The following SH3TC1 variants were observed in gnomAD, a reference collection of about 807,000 sequenced individuals.
SH3TC1 encodes SH3 domain and tetratricopeptide repeats 1, also known as SH3 domain and tetratricopeptide repeat-containing protein 1.
Under a neutral mutation model 117.3 loss-of-function variants are expected in SH3TC1, and 135 were observed. That is an observed-to-expected ratio of 1.15 (90% CI 1.00 to 1.33). The LOEUF (loss-of-function observed/expected upper bound fraction) is 1.33, where lower values mean the gene tolerates loss of function less well. Ranked by LOEUF, SH3TC1 falls within the 40% of genes most tolerant of loss-of-function variation. SH3TC1 has a pLI of 0.00. For missense variants in SH3TC1, 2,092 were observed against 1,794.3 expected (o/e 1.17, Z -3.00); for synonymous variants, 898 against 816.9 (o/e 1.10, Z -1.69).
At chr4:8,184,520 C>A (rs1174064876) in intron 1 of SH3TC1, among the ~76,000 whole-genome samples, 1 of 152,328 alleles carries the variant, frequency 6.6e-6, no homozygotes, top group African/African-American at 2.4e-5. Flanking sequence ...GCTGGGACTA[C>A]AGGCACATGC....
chr4:8,236,246 G>A (rs767018202), intron 15 of SH3TC1, 32 bp from the exon 16 acceptor site: 160 of 1,523,762 alleles, frequency 1.1e-4, no homozygotes, highest in Non-Finnish European at 1.3e-4. Flanking sequence ...TGGGTGCTGC[G>A]GGAAGCCTGA....
chr4:8,234,459 A>G (rs1262644034), intron 14 of SH3TC1, among the ~76,000 whole-genome samples: 1 of 147,244 alleles, frequency 6.8e-6, no homozygotes, highest in Non-Finnish European at 1.5e-5. Flanking sequence ...ACCCATACAT[A>G]CACACATCAT....
chr4:8,216,592 G>A lies in SH3TC1; in HGVS notation c.628+335G>A, dbSNP rs73079738. ...GAGTCTGAGGAGGGGACATGAGGCT[G>A]TCTTTCCTACCCGACCACAGCAGGA... On this transcript the variant is annotated intron_variant, in intron 6 of 17. Transcript: ENST00000245105. 4.6e-3 allele frequency among the ~76,000 whole-genome samples: 704 copies of A among 152,322 alleles called. 5 individuals are homozygous for A. The highest frequency in any genetic ancestry group is 0.014 in the African/African-American group (574 of 41,570).
intron 14 of SH3TC1, 39 bp from the exon 15 acceptor site, chr4:8,235,394 C>T: frequency 7.0e-7 from 1 of 1,435,830 alleles, no homozygotes; most frequent in Non-Finnish European, 9.2e-7. Context: ...GGCCACCTCA[C>T]CAGGTGTGGG....
At position 8,186,420 on chromosome 4, in the gene SH3TC1, C is replaced by A. The variant is rs368314083; in HGVS notation, c.-57+4210C>A. 6.6e-6 allele frequency among the ~76,000 whole-genome samples: 1 copy of A among 152,136 alleles called. No homozygotes were observed. The highest frequency in any genetic ancestry group is 1.5e-5 in the Non-Finnish European group (1 of 68,026). On this transcript the variant is annotated intron_variant, in intron 1 of 16. Transcript: ENST00000508641. The surrounding 1 kb of genome is among the most constrained non-coding windows in gnomAD (Gnocchi z 5.2). ...ACGTGGTGTCCCCCATGGGCTTCTG[C>A]GTGGAGCAGAAGACGGATGTTAGGG...
upstream of SH3TC1, among the ~76,000 whole-genome samples, chr4:8,195,383 G>A (rs2152975293): frequency 6.6e-6 from 1 of 152,284 alleles, no homozygotes; most frequent in Middle Eastern, 3.4e-3. Flanking sequence ...GGCTGTGTGT[G>A]CTTCTGCCCC....
At chr4:8,222,037 C>CCTCTCTCCCTCT (rs370732780) in intron 9 of SH3TC1, among the ~76,000 whole-genome samples, 1,675 of 152,196 alleles carry the variant, frequency 0.011, 28 homozygotes, top group African/African-American at 0.035. Context: ...TTTCTCCTCC[C>CCTCTCTCCCTCT]CTCTCTCCCT....
chr4:8,226,738 G>C (rs1318175266), intron 11 of SH3TC1, among the ~76,000 whole-genome samples: 1 of 152,234 alleles, frequency 6.6e-6, no homozygotes, highest in South Asian at 2.1e-4. Context: ...GATTTCATAG[G>C]AGAGTTGGGC....
At position 8,225,180 on chromosome 4, in the gene SH3TC1, G is replaced by C. The variant is rs1337165359; in HGVS notation, c.1249G>C (p.Val417Leu). 6.2e-7 allele frequency: 1 copy of C among 1,613,814 alleles called. No homozygotes were observed. The change falls in exon 11 of 18, where the codon GTA becomes CTA. Residue 417 changes from valine to leucine, a missense_variant. Val to Leu is a conservative substitution (Grantham distance 32). Coordinates refer to ENST00000245105, the MANE Select transcript of SH3TC1 (RefSeq NM_018986.5). The surrounding 1 kb of genome is among the most constrained non-coding windows in gnomAD (Gnocchi z 5.5). ...DVCSVYSLDSVEEAETEQPQE... is the reference protein window; with the variant it reads ...DVCSVYSLDSLEEAETEQPQE... The stretch of plus-strand genomic sequence containing the variant: ...TCTCTTTTCTCCCTTGCCAGACTCA[G>C]TAGAGGAAGCTGAGACCGAGCAGCC...
At chr4:8,234,785 G>A (rs1345209538) in intron 14 of SH3TC1, among the ~76,000 whole-genome samples, 1 of 152,220 alleles carries the variant, frequency 6.6e-6, no homozygotes. Flanking sequence ...AGCACCTGCT[G>A]GTATACAGCA....
In SH3TC1 at chr4:8,227,560, G is replaced by A; in HGVS notation, c.1866G>A (p.Gln622=). 1 of 1,524,352 alleles carries A rather than the reference G, an allele frequency of 6.6e-7. No homozygotes were observed. The highest frequency in any genetic ancestry group is 8.8e-7 in the Non-Finnish European group (1 of 1,139,100). 94.4% of individuals were successfully genotyped at this position (1,524,352 alleles called of 1,614,324 possible). Residue 622 remains glutamine, a synonymous_variant, in exon 12 of 18, where the codon CAG becomes CAA. Transcript: ENST00000245105. The stretch of plus-strand genomic sequence containing the variant: ...AGAAGAACCGGGAGAAGTGTGCACA[G>A]GTGGTGCCCAAAGCCATGGCCCTGC... The part of the protein sequence containing the change: ...RKQKNREKCA[Q]VVPKAMALLL...
rs1719340821 is a variant in SH3TC1 at position 8,216,939 on chromosome 4, A to G, written c.629-18A>G. ...CCCAGTCCGGCCACCCTCAGTGACC[A>G]CCTCCATCCTTTTGAAGGGCCCTTC... On this transcript the variant is annotated intron_variant, in intron 6 of 17. Transcript: ENST00000245105. 1.2e-6 allele frequency: 2 copies of G among 1,613,282 alleles called. No homozygotes were observed. The highest frequency in any genetic ancestry group is 1.3e-5 in the African/African-American group (1 of 74,844).
In SH3TC1 at chr4:8,209,898, A is replaced by C. The variant is rs961008032; in HGVS notation, c.247+76A>C. ...CCGCTCCCTGGGCATCCAAGAGTCC[A>C]ACCCAGGGCTTCTCAAAGTGTGGCC... On this transcript the variant is annotated intron_variant, in intron 3 of 17. Transcript: ENST00000245105. The surrounding 1 kb of genome is among the most constrained non-coding windows in gnomAD (Gnocchi z 5.9). 2 of 1,393,888 alleles carry C rather than the reference A, an allele frequency of 1.4e-6. No homozygotes were observed. Among genetic ancestry groups the C allele is most frequent in the Admixed American group, 4.3e-5 (2 of 46,768 alleles). 86.3% of individuals were successfully genotyped at this position (1,393,888 alleles called of 1,614,324 possible).
rs927543606 is a variant in SH3TC1, at chr4:8,190,401, C to T, written c.-57+8191C>T. The stretch of plus-strand genomic sequence containing the variant: ...GAATGCCAAAATTCCAGCTGGGGTC[C>T]CACCCCTGATTCAGGAAAGTTGGGG... On this transcript the variant is annotated intron_variant, in intron 1 of 16. Transcript: ENST00000508641. This position sits in a 1 kb window ranked among gnomAD's most constrained non-coding sequence, Gnocchi z 4.7. Among the ~76,000 whole-genome samples, 4 of 152,202 alleles carry T rather than the reference C, an allele frequency of 2.6e-5. No individual in the cohort carries two copies. The highest frequency in any genetic ancestry group is 5.9e-5 in the Non-Finnish European group (4 of 68,038).
intron 17 of SH3TC1, among the ~76,000 whole-genome samples, chr4:8,238,613 C>T (rs770951682): frequency 6.6e-5 from 10 of 152,172 alleles, no homozygotes; most frequent in Non-Finnish European, 1.5e-4. Flanking sequence ...GGGAGGCCCC[C>T]GCCCGGTGCT....
In SH3TC1 at chr4:8,206,685, C is replaced by G. The variant is rs1194160363; in HGVS notation, c.172+1319C>G. On this transcript the variant is annotated intron_variant, in intron 2 of 17. Transcript: ENST00000245105. This position sits in a 1 kb window ranked among gnomAD's most constrained non-coding sequence, Gnocchi z 5.5. ...GGAAAGCTGGCTTGGGGTGGGGCTCCTCATCAGCTCCTTCACCTCCTCGTC... is the reference window on the plus strand; with the variant it reads ...GGAAAGCTGGCTTGGGGTGGGGCTCGTCATCAGCTCCTTCACCTCCTCGTC... Among the ~76,000 whole-genome samples, 1 of 152,230 alleles carries G rather than the reference C, an allele frequency of 6.6e-6. No homozygotes were observed. The highest frequency in any genetic ancestry group is 2.4e-5 in the African/African-American group (1 of 41,456).
rs1561708275 is a variant in SH3TC1, at chr4:8,227,530, G to A, written c.1836G>A (p.Arg612=). Residue 612 remains arginine (R), a synonymous_variant, in exon 12 of 18, where the codon CGG becomes CGA. Transcript: ENST00000245105. The stretch of plus-strand genomic sequence containing the variant: ...ACGCCAACCTGGCCAGCATTTACCG[G>A]AAGCAGAAGAACCGGGAGAAGTGTG... The part of the protein sequence containing the change: ...AVYANLASIY[R]KQKNREKCAQ... 6 of 1,534,258 alleles carry A rather than the reference G, an allele frequency of 3.9e-6. No individual in the cohort carries two copies. The South Asian group carries it at 7.8e-5, about 20-fold the overall frequency.
intron 1 of SH3TC1, among the ~76,000 whole-genome samples, chr4:8,193,670 C>T (rs1008097223): frequency 6.6e-6 from 1 of 152,200 alleles, no homozygotes; most frequent in African/African-American, 2.4e-5. Context: ...GCAGCCAAAC[C>T]ATGGGACAGG....
At position 8,192,515 on chromosome 4, in the gene SH3TC1, A is replaced by G. The variant is rs1482643684; in HGVS notation, c.-57+10305A>G. On this transcript the variant is annotated intron_variant, in intron 1 of 16. Transcript: ENST00000508641. The surrounding 1 kb of genome is among the most constrained non-coding windows in gnomAD (Gnocchi z 4.1). ...TATTTTATTTCATTTTATTTTTGAG[A>G]TGGAGTCTCACTCTGTTGCCCAGGC... 4.7e-5 allele frequency among the ~76,000 whole-genome samples: 6 copies of G among 127,068 alleles called. No individual in the cohort carries two copies. The East Asian group carries it at 8.1e-4, about 17-fold the overall frequency. The allele number at this position is 127,068 out of a possible 152,430, so 83.4% of individuals were successfully genotyped here.
Sources: gnomAD v4.1 joint callset for allele counts (sites outside exome capture counted in the v4.1 genomes callset) on GRCh38, gnomAD v4.1.1 for gene constraint, Gnocchi (gnomAD v3.1) non-coding constraint, MANE v1.5 for transcripts, NCBI Gene and HGNC (gene_info 2026-07-23, HGNC 2026-07-21) for gene names.